TARP: variants seen among roughly 807,000 people sequenced by gnomAD.
the TARP span, among the ~76,000 whole-genome samples, chr7:38,262,531 T>A: frequency 6.6e-6 from 1 of 151,778 alleles, no homozygotes; most frequent in Non-Finnish European, 1.5e-5. Flanking sequence ...TGCCACAAAG[T>A]ATGTTTTTGA....
the TARP span, among the ~76,000 whole-genome samples, chr7:38,269,776 T>G: frequency 3.3e-5 from 5 of 152,120 alleles, no homozygotes; most frequent in Admixed American, 3.3e-4. Context: ...GAGACCAAAA[T>G]GAAACAAGAT....
At chr7:38,265,887 A>C in the TARP span, among the ~76,000 whole-genome samples, 1 of 151,564 alleles carries the variant, frequency 6.6e-6, no homozygotes, top group Non-Finnish European at 1.5e-5. Context: ...ACATTAAATA[A>C]CTTGCCAAAA....
At chr7:38,269,497 C>T in the TARP span, 340 of 722,478 alleles carry the variant, frequency 4.7e-4, no homozygotes, top group Non-Finnish European at 7.1e-4. Context: ...TTACCTGTGA[C>T]AACAAGTGTT....
chr7:38,265,430 T>A, the TARP span: 5 of 1,612,232 alleles, frequency 3.1e-6, no homozygotes, highest in South Asian at 5.5e-5. Context: ...CTGTGTTCTT[T>A]GTCCAGTGAC....
the TARP span, among the ~76,000 whole-genome samples, chr7:38,273,096 A>G: frequency 5.3e-5 from 8 of 151,192 alleles, no homozygotes; most frequent in Admixed American, 2.7e-4. Context: ...AACTCATTGG[A>G]CCAATTTAAA....
chr7:38,271,420 T>C, the TARP span, among the ~76,000 whole-genome samples: 1 of 151,430 alleles, frequency 6.6e-6, no homozygotes, highest in Non-Finnish European at 1.5e-5. Flanking sequence ...GGTACAGTCT[T>C]TGTGTAACTT....
At chr7:38,266,503 T>C in the TARP span, among the ~76,000 whole-genome samples, 6 of 151,970 alleles carry the variant, frequency 3.9e-5, no homozygotes, top group African/African-American at 1.4e-4. Flanking sequence ...TGTTTCACCA[T>C]ATTGACCAGG....
chr7:38,265,000 A>C, the TARP span, among the ~76,000 whole-genome samples: 1 of 151,236 alleles, frequency 6.6e-6, no homozygotes, highest in African/African-American at 2.4e-5. Context: ...AAAGTCATCA[A>C]AAGAAGGGAG....
chr7:38,270,369 A>T, the TARP span, among the ~76,000 whole-genome samples: 1 of 151,926 alleles, frequency 6.6e-6, no homozygotes, highest in African/African-American at 2.4e-5. Flanking sequence ...ATCACAAGAA[A>T]CATGGCTTTC....
chr7:38,264,749 G>T, the TARP span, among the ~76,000 whole-genome samples: 1 of 151,586 alleles, frequency 6.6e-6, no homozygotes, highest in African/African-American at 2.4e-5. Flanking sequence ...AAGCACAGTG[G>T]TAAGACTACC....
chr7:38,268,077 G>T, the TARP span, among the ~76,000 whole-genome samples: 1 of 151,266 alleles, frequency 6.6e-6, no homozygotes, highest in Non-Finnish European at 1.5e-5. Context: ...GGCCGATATT[G>T]TGGATCATCC....
chr7:38,267,259 G>A, the TARP span, among the ~76,000 whole-genome samples: 4 of 151,688 alleles, frequency 2.6e-5, no homozygotes, highest in Non-Finnish European at 4.4e-5. Flanking sequence ...GCTTCTTATA[G>A]GGATAGGGTC....
At chr7:38,265,369 A>T in the TARP span, 3 of 1,611,358 alleles carry the variant, frequency 1.9e-6, no homozygotes, top group South Asian at 2.2e-5. Flanking sequence ...TGGAGGAAAG[A>T]TAATTTCTTG....
At chr7:38,270,905 CT>C in the TARP span, among the ~76,000 whole-genome samples, 1 of 151,336 alleles carries the variant, frequency 6.6e-6, no homozygotes, top group Admixed American at 6.6e-5. Flanking sequence ...GCATTGAAGT[CT>C]TTTTCCAATC....
At chr7:38,263,833 G>C in the TARP span, among the ~76,000 whole-genome samples, 1 of 151,352 alleles carries the variant, frequency 6.6e-6, no homozygotes, top group African/African-American at 2.4e-5. Flanking sequence ...TAAAAACTTG[G>C]ACTTGAGGTA....
At chr7:38,272,631 C>T in the TARP span, among the ~76,000 whole-genome samples, 1 of 147,962 alleles carries the variant, frequency 6.8e-6, no homozygotes, top group African/African-American at 2.5e-5. Flanking sequence ...TTGTGTTTTC[C>T]AATTTTTCTA....
At chr7:38,263,938 C>A in the TARP span, among the ~76,000 whole-genome samples, 2 of 151,852 alleles carry the variant, frequency 1.3e-5, no homozygotes. Flanking sequence ...TTTTCAATGT[C>A]TTTTTATTTT....
chr7:38,262,575 A>C, the TARP span, among the ~76,000 whole-genome samples: 38 of 151,842 alleles, frequency 2.5e-4, 1 homozygote, highest in Admixed American at 2.0e-3. Context: ...TAAACTGAAC[A>C]AATGGCTGCT....
the TARP span, among the ~76,000 whole-genome samples, chr7:38,263,289 A>G: frequency 3.9e-5 from 6 of 152,020 alleles, no homozygotes; most frequent in Admixed American, 6.6e-5. Flanking sequence ...ATGAGGAAAT[A>G]AAGTTTAAAA....
Sources: gnomAD v4.1 joint callset for allele counts (sites outside exome capture counted in the v4.1 genomes callset) on GRCh38, gnomAD v4.1.1 for gene constraint, MANE v1.5 for transcripts.